MYO10: variants seen among roughly 807,000 people sequenced by gnomAD.
The protein encoded by MYO10 is unconventional myosin-X.
A neutral mutation model predicts 257.3 loss-of-function variants in MYO10; 133 were observed. The ratio of observed to expected loss-of-function variants is 0.52; its 90% CI spans 0.45 to 0.60. MYO10 has a LOEUF of 0.60. MYO10 is among the 20% of genes least tolerant of loss of function. MYO10 has a pLI of 0.00. For synonymous variants in MYO10, 1,104 were observed against 1,028.6 expected (o/e 1.07, Z -1.40); for missense variants, 2,399 against 2,635.7 (o/e 0.91, Z 1.97).
chr5:16,745,029 T>C (rs1740144915), intron 19 of MYO10, among the ~76,000 whole-genome samples: 1 of 152,196 alleles, frequency 6.6e-6, no homozygotes, highest in Admixed American at 6.5e-5. Flanking sequence ...AAATGCAGAT[T>C]TCATTCATTA....
At chr5:16,871,071 T>C (rs1561029543) in intron 2 of MYO10, among the ~76,000 whole-genome samples, 1 of 152,206 alleles carries the variant, frequency 6.6e-6, no homozygotes, top group African/African-American at 2.4e-5. Flanking sequence ...GTGCACAGTC[T>C]AGTGGCATGA....
At position 16,670,823 on chromosome 5, in the gene MYO10, G is replaced by A. The variant is rs1427227946; in HGVS notation, c.5586C>T (p.Ala1862=). 6.2e-7 allele frequency: 1 copy of A among 1,613,886 alleles called. No individual in the cohort carries two copies. Among genetic ancestry groups the A allele is most frequent in the Non-Finnish European group, 8.5e-7 (1 of 1,179,898 alleles). Residue 1862 remains alanine, a synonymous_variant, in exon 39 of 41, where the codon GCC becomes GCT. Coordinates refer to ENST00000513610, the MANE Select transcript of MYO10 (RefSeq NM_012334.3). ...AGGTTTTGGTTGACTGGCTGATGCGGGCCTTGAGTCTCTGCAGGGAATAAA... is the reference window on the plus strand; with the variant it reads ...AGGTTTTGGTTGACTGGCTGATGCGAGCCTTGAGTCTCTGCAGGGAATAAA... The part of the protein sequence containing the change: ...EEVYSLQRLK[A]RISQSTKTFT...
intron 32 of MYO10, among the ~76,000 whole-genome samples, chr5:16,680,864 G>A (rs1736961180): frequency 6.6e-6 from 1 of 152,118 alleles, no homozygotes; most frequent in Non-Finnish European, 1.5e-5. Flanking sequence ...GTGTGATGGT[G>A]CGTGCCTGTA....
chr5:16,807,161 T>C (rs2126693868), intron 3 of MYO10, among the ~76,000 whole-genome samples: 2 of 152,316 alleles, frequency 1.3e-5, no homozygotes, highest in South Asian at 4.1e-4. Context: ...ACACCTCGGC[T>C]AAATACGGCA....
At chr5:16,895,151 G>C (rs1745181366) in intron 1 of MYO10, among the ~76,000 whole-genome samples, 1 of 152,216 alleles carries the variant, frequency 6.6e-6, no homozygotes, top group Non-Finnish European at 1.5e-5. Flanking sequence ...TGTTTTAAAA[G>C]AACCACACAG....
intron 11 of MYO10, among the ~76,000 whole-genome samples, chr5:16,765,439 G>A (rs1418453041): frequency 1.3e-5 from 2 of 152,126 alleles, no homozygotes; most frequent in African/African-American, 4.8e-5. Context: ...CCTATTGTGG[G>A]ACCTTCTGAT....
intron 1 of MYO10, among the ~76,000 whole-genome samples, chr5:16,907,121 A>T (rs992847060): frequency 6.6e-6 from 1 of 152,204 alleles, no homozygotes; most frequent in Non-Finnish European, 1.5e-5. Flanking sequence ...CTCAAAAAAA[A>T]GAAAAGAAAG....
chr5:16,799,592 A>C (rs1560991171), intron 3 of MYO10, among the ~76,000 whole-genome samples: 2 of 151,832 alleles, frequency 1.3e-5, no homozygotes, highest in Non-Finnish European at 2.9e-5. Flanking sequence ...TCCCGTGTTC[A>C]AGCGATTCTC....
chr5:16,668,160 G>T, intron 40 of MYO10, 117 bp downstream of exon 40: 1 of 1,160,364 alleles, frequency 8.6e-7, no homozygotes, highest in Non-Finnish European at 1.2e-6. Flanking sequence ...GTATTTTCGT[G>T]TTTTGAAGAA....
chr5:16,733,676 A>G (rs1739675372), intron 19 of MYO10, among the ~76,000 whole-genome samples: 1 of 152,216 alleles, frequency 6.6e-6, no homozygotes, highest in South Asian at 2.1e-4. Flanking sequence ...AGCCAGCCTT[A>G]GATCACAGCC....
chr5:16,908,419 T>C (rs1185823089), intron 1 of MYO10, among the ~76,000 whole-genome samples: 2 of 151,942 alleles, frequency 1.3e-5, no homozygotes, highest in Non-Finnish European at 2.9e-5. Context: ...TCCCAGCTAC[T>C]CAGGAGGCTG....
At chr5:16,785,354 A>C (rs1050824541) in intron 4 of MYO10, among the ~76,000 whole-genome samples, 9 of 152,358 alleles carry the variant, frequency 5.9e-5, no homozygotes, top group African/African-American at 2.2e-4. Flanking sequence ...ACAGAAACCA[A>C]GAGAGACAGT....
chr5:16,766,531 G>A (rs543107651), intron 10 of MYO10, among the ~76,000 whole-genome samples: 2 of 152,010 alleles, frequency 1.3e-5, no homozygotes, highest in East Asian at 1.9e-4. Context: ...CCGGGTTCAC[G>A]CCATTCTCCT....
At chr5:16,921,782 G>C (rs533532364) in intron 1 of MYO10, among the ~76,000 whole-genome samples, 46 of 152,202 alleles carry the variant, frequency 3.0e-4, no homozygotes, top group African/African-American at 1.1e-3. Context: ...GAAGACAGTT[G>C]GTTGTCACAA....
Position 16,683,871 on chromosome 5 carries a change from T to G in MYO10, c.4046+9A>C, listed in dbSNP as rs778726743. 15 of 1,613,568 alleles carry G rather than the reference T, an allele frequency of 9.3e-6. No individual in the cohort carries two copies. In the South Asian group the frequency reaches 1.6e-4, roughly 18 times the overall value. ...AGCTGTTTTTGTTAAGAGCCACATC[T>G]GAGCTTACCTATCAGGGCTGTCAGA... On this transcript the variant is annotated intron_variant, in intron 30 of 40. Transcript: ENST00000513610.
chr5:16,768,825 A>G (rs1484805735), intron 10 of MYO10, among the ~76,000 whole-genome samples: 1 of 151,462 alleles, frequency 6.6e-6, no homozygotes, highest in Non-Finnish European at 1.5e-5. Flanking sequence ...ACAGGGGCAC[A>G]CCATCATGCC....
chr5:16,673,750 A>C lies in MYO10; in HGVS notation c.5104T>G (p.Ser1702Ala). 1 of 1,613,910 alleles carries C rather than the reference A, an allele frequency of 6.2e-7. No individual in the cohort carries two copies. ...EALIHRQEMT[S>A]TVYCHGGGSC... Reference sequence around the variant, plus strand: ...CCGCCGCCATGGCAATAGACCGTGGATGTCATTTCCTGCCTGTGGATCAGA... The same window carrying C: ...CCGCCGCCATGGCAATAGACCGTGGCTGTCATTTCCTGCCTGTGGATCAGA... Residue 1702 changes from serine (S) to alanine (A), a missense_variant, in exon 36 of 41, where the codon TCC becomes GCC. Physicochemically the swap from Ser to Ala is moderately conservative, Grantham distance 99 (BLOSUM62 1). Coordinates refer to ENST00000513610, the MANE Select transcript of MYO10 (RefSeq NM_012334.3).
At chr5:16,697,623 C>T (rs1009365171) in intron 26 of MYO10, among the ~76,000 whole-genome samples, 4 of 150,896 alleles carry the variant, frequency 2.7e-5, no homozygotes, top group Non-Finnish European at 4.4e-5. Context: ...ACTTGAACCC[C>T]GGGGGTGGAG....
At chr5:16,809,682 A>C (rs1261212416) in intron 3 of MYO10, among the ~76,000 whole-genome samples, 1 of 152,254 alleles carries the variant, frequency 6.6e-6, no homozygotes, top group Non-Finnish European at 1.5e-5. Flanking sequence ...GATATTTTTG[A>C]AACATCTAAA....
Sources: gnomAD v4.1 joint callset for allele counts (sites outside exome capture counted in the v4.1 genomes callset) on GRCh38, gnomAD v4.1.1 for gene constraint, MANE v1.5 for transcripts, NCBI Gene and HGNC (gene_info 2026-07-23, HGNC 2026-07-21) for gene names.